Variants in CENPP observed in about 807,000 individuals in gnomAD.
The protein encoded by CENPP is centromere protein P.
CENPP carries 24 observed loss-of-function variants against 35.6 expected under a neutral mutation model. That is an observed-to-expected ratio of 0.67 (90% CI 0.49 to 0.95). The LOEUF (loss-of-function observed/expected upper bound fraction) is 0.95. Among genes scored for constraint, CENPP ranks in the 40% least tolerant of loss-of-function variants. The probability of loss-of-function intolerance (pLI) is 0.00; values close to 1 mark genes in which losing one functional copy is unlikely to be tolerated. For missense variants in CENPP, 332 were observed against 345.3 expected, an observed-to-expected ratio of 0.96 and a Z score of 0.31; for synonymous variants, 120 against 125.5, an observed-to-expected ratio of 0.96 and a Z score of 0.29.
chr9:92,588,779 T>C (rs1850600675), intron 5 of CENPP, among the ~76,000 whole-genome samples: 1 of 151,974 alleles, frequency 6.6e-6, no homozygotes. Context: ...GTAAAGAAGG[T>C]GGAACCTTGG....
At chr9:92,495,744 C>G (rs530585586) in intron 5 of CENPP, 2 of 932,730 alleles carry the variant, frequency 2.1e-6, no homozygotes, top group South Asian at 9.9e-5. Flanking sequence ...ATTAACATTA[C>G]AGTAGTGTTT....
At chr9:92,345,640 A>G in intron 3 of CENPP, 59 bp from the exon 4 acceptor site, 1 of 893,758 alleles carries the variant, frequency 1.1e-6, no homozygotes, top group South Asian at 1.5e-5. Context: ...TTTCAAAAGT[A>G]TTTTTGTCTT....
rs770481737 is a variant in CENPP, at chr9:92,616,243, G to A, written c.*3094G>A. ...GGCCTCACACCCCAGCTCACAAAGA[G>A]CACTCGTTCTGTGCACCTGTGATCT... On this transcript the variant is annotated 3_prime_UTR_variant, in exon 8 of 8. Transcript: ENST00000375587. 1.8e-6 allele frequency: 1 copy of A among 551,286 alleles called. No homozygotes were observed. Among genetic ancestry groups the A allele is most frequent in the Non-Finnish European group, 3.3e-6 (1 of 306,902 alleles). 34.1% of individuals were successfully genotyped at this position (551,286 alleles called of 1,614,324 possible). A position where few individuals can be genotyped will look rare whatever the true frequency, so the allele number is the denominator to read the frequency against.
At chr9:92,603,165 C>T (rs1054101617) in intron 5 of CENPP, among the ~76,000 whole-genome samples, 1 of 152,216 alleles carries the variant, frequency 6.6e-6, no homozygotes, top group African/African-American at 2.4e-5. Context: ...AGCCAATCAA[C>T]AGCTAAGTGG....
intron 5 of CENPP, chr9:92,415,527 G>A: frequency 9.8e-7 from 1 of 1,015,434 alleles, no homozygotes; most frequent in South Asian, 2.1e-5. Flanking sequence ...ATAATCCATA[G>A]TTATAGCCAT....
At chr9:92,449,643 G>T (rs1844650437) in intron 5 of CENPP, among the ~76,000 whole-genome samples, 1 of 151,980 alleles carries the variant, frequency 6.6e-6, no homozygotes, top group African/African-American at 2.4e-5. Flanking sequence ...TGGAGGTTGG[G>T]CCTGGTGGGA....
intron 4 of CENPP, among the ~76,000 whole-genome samples, chr9:92,354,585 C>T (rs991945647): frequency 1.3e-5 from 2 of 152,176 alleles, no homozygotes; most frequent in African/African-American, 4.8e-5. Context: ...GTCTTGAACT[C>T]CTGGACTCTT....
At chr9:92,591,745 C>G (rs1424270813) in intron 5 of CENPP, among the ~76,000 whole-genome samples, 4 of 151,962 alleles carry the variant, frequency 2.6e-5, no homozygotes, top group Non-Finnish European at 4.4e-5. Context: ...AGTAAAGTCA[C>G]CAAGATGGCT....
chr9:92,364,609 C>A (rs971623677), intron 4 of CENPP, among the ~76,000 whole-genome samples: 1 of 152,032 alleles, frequency 6.6e-6, no homozygotes, highest in African/African-American at 2.4e-5. Flanking sequence ...TGGCCAAAAT[C>A]ATAAAATTAA....
chr9:92,487,190 T>C (rs1446329703), intron 5 of CENPP, among the ~76,000 whole-genome samples: 1 of 152,212 alleles, frequency 6.6e-6, no homozygotes, highest in Non-Finnish European at 1.5e-5. Flanking sequence ...TGAGCAGACC[T>C]GAGAGCAGTG....
chr9:92,560,452 C>A (rs1849822766), intron 5 of CENPP, among the ~76,000 whole-genome samples: 1 of 152,154 alleles, frequency 6.6e-6, no homozygotes, highest in Admixed American at 6.5e-5. Flanking sequence ...ATTGCAAAGT[C>A]TTAATTAGAC....
At chr9:92,465,206 A>G (rs1227602535) in intron 5 of CENPP, among the ~76,000 whole-genome samples, 1 of 152,240 alleles carries the variant, frequency 6.6e-6, no homozygotes, top group African/African-American at 2.4e-5. Flanking sequence ...TGTCAGCATC[A>G]GAAAAATACG....
At chr9:92,407,487 T>G (rs1843336982) in intron 5 of CENPP, among the ~76,000 whole-genome samples, 1 of 152,250 alleles carries the variant, frequency 6.6e-6, no homozygotes, top group Non-Finnish European at 1.5e-5. Flanking sequence ...TGATTTTCTA[T>G]TCCAGAAAGA....
At chr9:92,430,162 G>A (rs949626419) in intron 5 of CENPP, among the ~76,000 whole-genome samples, 1 of 152,000 alleles carries the variant, frequency 6.6e-6, no homozygotes, top group Non-Finnish European at 1.5e-5. Context: ...TTATAGTTGA[G>A]TTCTTTTTTC....
rs1848137389 is a variant in CENPP at position 92,522,517 on chromosome 9, C to G, written c.565-88797C>G. Reference sequence around the variant, plus strand: ...TCTCTCCCTCTCTCCTTCTCTTTCCCCATACCATCTCTCACCCTCCTCCCT... The same window carrying G: ...TCTCTCCCTCTCTCCTTCTCTTTCCGCATACCATCTCTCACCCTCCTCCCT... On this transcript the variant is annotated intron_variant, in intron 5 of 7. Transcript: ENST00000375587. The G allele has an allele frequency of 3.4e-6, 5 of 1,453,604 alleles. No individual in the cohort carries two copies. The Admixed American group carries it at 9.7e-5, about 28-fold the overall frequency. 90.0% of individuals were successfully genotyped at this position (1,453,604 alleles called of 1,614,324 possible).
chr9:92,389,980 C>G, intron 5 of CENPP: 1 of 1,610,912 alleles, frequency 6.2e-7, no homozygotes, highest in Non-Finnish European at 8.5e-7. Flanking sequence ...GTTCTTCTAA[C>G]AGAGAAAGTT....
intron 5 of CENPP, among the ~76,000 whole-genome samples, chr9:92,480,511 A>G (rs1023031970): frequency 1.3e-5 from 2 of 152,218 alleles, no homozygotes; most frequent in Non-Finnish European, 2.9e-5. Context: ...GGAAAAGCCT[A>G]GGTAAGGAGG....
rs532076466 is a variant in CENPP, at chr9:92,332,680, C to T, written c.289+329C>T. ...AAAATTAGCCGGATGTGTTGGTGGG[C>T]ACCTGTAATCTAAGCTACTTGGGAA... On this transcript the variant is annotated intron_variant, in intron 2 of 7. Transcript: ENST00000375587. Among the ~76,000 whole-genome samples the T allele has an allele frequency of 2.6e-5, 4 of 152,186 alleles. No individual in the cohort carries two copies. The South Asian group carries it at 8.3e-4, about 32-fold the overall frequency.
At chr9:92,457,421 G>C in intron 5 of CENPP, 1 of 1,613,632 alleles carries the variant, frequency 6.2e-7, no homozygotes, top group Middle Eastern at 1.7e-4. Context: ...CTTCATCTTT[G>C]GCACTGTTGG....
Sources: gnomAD v4.1 joint callset for allele counts (sites outside exome capture counted in the v4.1 genomes callset) on GRCh38, gnomAD v4.1.1 for gene constraint, MANE v1.5 for transcripts, NCBI Gene and HGNC (gene_info 2026-07-23, HGNC 2026-07-21) for gene names.